The following PTPRK variants were observed in gnomAD, a reference collection of about 807,000 sequenced individuals.
The protein encoded by PTPRK is protein tyrosine phosphatase receptor type K.
PTPRK carries 75 observed loss-of-function variants against 178.0 expected under a neutral mutation model. That is an observed-to-expected ratio of 0.42 (90% confidence interval 0.35 to 0.51). PTPRK has a LOEUF of 0.51. Among genes scored for constraint, PTPRK ranks in the 20% least tolerant of loss-of-function variants. The probability of loss-of-function intolerance (pLI) is 0.02; values close to 1 mark genes in which losing one functional copy is unlikely to be tolerated. For missense variants in PTPRK, 1,441 were observed against 1,797.8 expected (o/e 0.80, Z 3.59); for synonymous variants, 637 against 620.6 (o/e 1.03, Z -0.39).
intron 25 of PTPRK, among the ~76,000 whole-genome samples, chr6:127,978,448 C>T (rs1031585162): frequency 7.9e-5 from 12 of 152,124 alleles, no homozygotes; most frequent in Admixed American, 1.3e-4. Context: ...AGAAGAAGGA[C>T]GGGTTTGCTT....
At chr6:128,096,275 G>T (rs1469808696) in intron 7 of PTPRK, among the ~76,000 whole-genome samples, 2 of 152,052 alleles carry the variant, frequency 1.3e-5, no homozygotes, top group Non-Finnish European at 2.9e-5. Context: ...TTCTCTAAAG[G>T]TTAATAAAAG....
chr6:128,206,061 G>T (rs1222914959), intron 6 of PTPRK, among the ~76,000 whole-genome samples: 3 of 151,770 alleles, frequency 2.0e-5, no homozygotes, highest in Non-Finnish European at 4.4e-5. Flanking sequence ...TTGAAAACTA[G>T]ATATTACCAT....
intron 2 of PTPRK, among the ~76,000 whole-genome samples, chr6:128,382,660 G>A (rs1472645442): frequency 2.0e-5 from 3 of 151,486 alleles, no homozygotes; most frequent in Non-Finnish European, 2.9e-5. Context: ...GGCTGGTCTC[G>A]AACTCCTAGC....
intron 2 of PTPRK, among the ~76,000 whole-genome samples, chr6:128,335,020 G>A (rs907478708): frequency 3.3e-5 from 5 of 152,114 alleles, no homozygotes; most frequent in African/African-American, 4.8e-5. Flanking sequence ...CCCAGGAGGC[G>A]AAGTTTGCAC....
At chr6:128,133,934 C>T (rs1000670468) in intron 7 of PTPRK, among the ~76,000 whole-genome samples, 1 of 151,954 alleles carries the variant, frequency 6.6e-6, no homozygotes, top group African/African-American at 2.4e-5. Flanking sequence ...CTTTTATTTC[C>T]CCCAAATTTA....
chr6:127,996,799 TACTTCA>T, intron 17 of PTPRK, 96 bp downstream of exon 17: 1 of 1,365,826 alleles, frequency 7.3e-7, no homozygotes, highest in Non-Finnish European at 9.9e-7. Flanking sequence ...TTAAATAGAT[TACTTCA>T]TAAACAGACA....
chr6:128,462,260 A>T (rs1406434153), intron 1 of PTPRK, among the ~76,000 whole-genome samples: 1 of 152,218 alleles, frequency 6.6e-6, no homozygotes, highest in Non-Finnish European at 1.5e-5. Context: ...ATTCTCCAAT[A>T]AAAATATAAT....
intron 6 of PTPRK, among the ~76,000 whole-genome samples, chr6:128,193,266 T>C (rs1417269676): frequency 7.5e-6 from 1 of 133,258 alleles, no homozygotes; most frequent in Admixed American, 7.6e-5. Flanking sequence ...AATCAAATGA[T>C]TTATCCAGCT....
intron 1 of PTPRK, among the ~76,000 whole-genome samples, chr6:128,515,626 A>G (rs1857877425): frequency 6.6e-6 from 1 of 152,228 alleles, no homozygotes; most frequent in African/African-American, 2.4e-5. Context: ...CAAAAATACC[A>G]TAGGACTTTT....
At chr6:128,479,174 G>A (rs1851740532) in intron 1 of PTPRK, among the ~76,000 whole-genome samples, 1 of 152,030 alleles carries the variant, frequency 6.6e-6, no homozygotes, top group Non-Finnish European at 1.5e-5. Flanking sequence ...GTGTTCAATG[G>A]CCCAGTTCAC....
chr6:128,267,339 T>G (rs1239597611), intron 3 of PTPRK, among the ~76,000 whole-genome samples: 1 of 152,126 alleles, frequency 6.6e-6, no homozygotes, highest in Non-Finnish European at 1.5e-5. Flanking sequence ...ATTTATTATT[T>G]CACCAAAACC....
At chr6:128,394,278 A>G (rs890917614) in intron 2 of PTPRK, among the ~76,000 whole-genome samples, 4 of 152,164 alleles carry the variant, frequency 2.6e-5, no homozygotes, top group Admixed American at 2.0e-4. Context: ...CTGCTGACAG[A>G]CATTTGGGTT....
At chr6:128,095,714 T>C (rs141593930) in intron 7 of PTPRK, among the ~76,000 whole-genome samples, 13 of 152,246 alleles carry the variant, frequency 8.5e-5, no homozygotes, top group African/African-American at 2.6e-4. Context: ...GGAGTGCAGA[T>C]AGAACATTAA....
chr6:128,489,889 C>T (rs898863955), intron 1 of PTPRK, among the ~76,000 whole-genome samples: 2 of 152,180 alleles, frequency 1.3e-5, no homozygotes, highest in African/African-American at 2.4e-5. Context: ...CAGGAAGCTT[C>T]CCACACTTAC....
At chr6:128,419,684 C>T (rs1843254785) in intron 1 of PTPRK, among the ~76,000 whole-genome samples, 1 of 152,122 alleles carries the variant, frequency 6.6e-6, no homozygotes, top group Non-Finnish European at 1.5e-5. Context: ...ATCTGAGAAC[C>T]TGTTTAAAAC....
chr6:128,180,018 T>C (rs1801661494), intron 7 of PTPRK, among the ~76,000 whole-genome samples: 1 of 152,052 alleles, frequency 6.6e-6, no homozygotes, highest in Non-Finnish European at 1.5e-5. Context: ...AGAGTAGTTT[T>C]CCCAACTGCA....
chr6:128,464,641 A>ATATATATATATATT lies in PTPRK; in HGVS notation c.100+55617_100+55618insAATATATATATATA, dbSNP rs1554271860. Among the ~76,000 whole-genome samples, 4 of 64,588 alleles carry ATATATATATATATT rather than the reference A, an allele frequency of 6.2e-5. No homozygotes were observed. In the East Asian group the frequency reaches 1.1e-3, roughly 18 times the overall value. The allele number at this position is 64,588 out of a possible 152,430, so 42.4% of individuals were successfully genotyped here. On this transcript the variant is annotated intron_variant, in intron 1 of 29. Transcript: ENST00000368226. ...TATACATATATATATATATACACAT[A>ATATATATATATATT]TATATATATATATATATATATATAT...
At position 127,969,996 on chromosome 6, in the gene PTPRK, A is replaced by G; in HGVS notation, c.*231T>C. 1 of 417,304 alleles carries G rather than the reference A, an allele frequency of 2.4e-6. No individual in the cohort carries two copies. Among genetic ancestry groups the G allele is most frequent in the Non-Finnish European group, 4.2e-6 (1 of 235,764 alleles). 25.9% of individuals were successfully genotyped at this position (417,304 alleles called of 1,614,324 possible). ...CATTTCAATCTGGTTCTTATTAAAT[A>G]TAATTTATGTGGCATGAAATGTTGA... is the stretch of plus-strand genomic sequence containing the variant. On this transcript the variant is annotated 3_prime_UTR_variant, in exon 30 of 30. Transcript: ENST00000368226.
chr6:128,055,846 T>C (rs2114893358), intron 13 of PTPRK, among the ~76,000 whole-genome samples: 1 of 152,184 alleles, frequency 6.6e-6, no homozygotes, highest in Middle Eastern at 3.4e-3. Flanking sequence ...AAGGGATCTC[T>C]TGCCTTGGCT....
Sources: gnomAD v4.1 joint callset for allele counts (sites outside exome capture counted in the v4.1 genomes callset) on GRCh38, gnomAD v4.1.1 for gene constraint, MANE v1.5 for transcripts, NCBI Gene and HGNC (gene_info 2026-07-23, HGNC 2026-07-21) for gene names.